Variants in MEIS2 observed in about 807,000 individuals in gnomAD.
The protein encoded by MEIS2 is Meis homeobox 2, also known as homeobox protein Meis2.
In MEIS2, 9 loss-of-function variants were observed where a neutral mutation model predicts 58.6. That is an observed-to-expected ratio of 0.15 (90% CI 0.09 to 0.27). MEIS2 has a LOEUF of 0.27. Ranked by LOEUF, MEIS2 falls within the 10% of genes least tolerant of loss-of-function variation. The probability of loss-of-function intolerance (pLI) is 1.00; values close to 1 mark genes in which losing one functional copy is unlikely to be tolerated. For synonymous variants in MEIS2, 221 were observed against 228.4 expected (o/e 0.97, Z 0.29); for missense variants, 427 against 635.0 (o/e 0.67, Z 3.52).
At chr15:37,098,483 A>G (rs1894669314) in intron 1 of MEIS2, 5 of 903,738 alleles carry the variant, frequency 5.5e-6, no homozygotes, top group Non-Finnish European at 5.8e-6. Context: ...AGTTGAGCAC[A>G]CAGAAACCAA....
At chr15:36,927,214 G>A (rs2057782786) in intron 9 of MEIS2, among the ~76,000 whole-genome samples, 1 of 152,148 alleles carries the variant, frequency 6.6e-6, no homozygotes, top group African/African-American at 2.4e-5. Flanking sequence ...CTGCTGAGAG[G>A]CTAGCCCCCC....
At chr15:37,098,575 A>C in intron 1 of MEIS2, 1 of 277,828 alleles carries the variant, frequency 3.6e-6, no homozygotes, top group Non-Finnish European at 5.6e-6. Context: ...ACCAAGAGCA[A>C]CGTTTAGAGA....
At chr15:37,033,072 A>G (rs1325722062) in intron 8 of MEIS2, among the ~76,000 whole-genome samples, 2 of 152,172 alleles carry the variant, frequency 1.3e-5, no homozygotes, top group Admixed American at 1.3e-4. Flanking sequence ...ACTGAGGGTG[A>G]ATGATTTTTG....
chr15:37,040,092 G>T (rs1386427584), intron 7 of MEIS2, among the ~76,000 whole-genome samples: 1 of 151,024 alleles, frequency 6.6e-6, no homozygotes, highest in East Asian at 1.9e-4. Flanking sequence ...GTGTGTGTGT[G>T]TGTGGTTGTG....
At chr15:36,931,823 C>G (rs1376189611) in intron 9 of MEIS2, among the ~76,000 whole-genome samples, 1 of 152,210 alleles carries the variant, frequency 6.6e-6, no homozygotes, top group Non-Finnish European at 1.5e-5. Flanking sequence ...TTCTTTTAAT[C>G]TAATACTACA....
chr15:36,891,532 A>G lies in MEIS2; in HGVS notation c.*641T>C, dbSNP rs2055855486. On this transcript the variant is annotated 3_prime_UTR_variant, in exon 12 of 12. Transcript: ENST00000561208. ...TTCATTGGCAAGCTCTTTGAAGAAG[A>G]GTCCCCCAAAAATAATAATAAGAAT... 6.5e-6 allele frequency: 1 copy of G among 152,792 alleles called. No homozygotes were observed. The highest frequency in any genetic ancestry group is 2.1e-4 in the South Asian group (1 of 4,836). The allele number at this position is 152,792 out of a possible 1,614,324, so 9.5% of individuals were successfully genotyped here.
intron 9 of MEIS2, chr15:36,898,302 T>C (rs2056290349): frequency 6.6e-6 from 1 of 152,254 alleles, no homozygotes; most frequent in African/African-American, 2.4e-5. Flanking sequence ...CCACCACTTT[T>C]ACAGCAACCA....
intron 8 of MEIS2, among the ~76,000 whole-genome samples, chr15:36,982,708 A>G (rs1313546993): frequency 6.6e-6 from 1 of 152,002 alleles, no homozygotes; most frequent in Non-Finnish European, 1.5e-5. Flanking sequence ...TCTATTTTTA[A>G]TTTTTCTGAG....
intron 8 of MEIS2, among the ~76,000 whole-genome samples, chr15:36,988,662 A>G (rs1053764538): frequency 1.3e-5 from 2 of 152,248 alleles, no homozygotes; most frequent in Admixed American, 1.3e-4. Flanking sequence ...AATTTACAAT[A>G]AATACCCATT....
chr15:36,929,371 T>C lies in MEIS2; in HGVS notation c.977+20953A>G, dbSNP rs75154524. On this transcript the variant is annotated intron_variant, in intron 9 of 11. Coordinates refer to ENST00000561208, the MANE Select transcript of MEIS2 (RefSeq NM_170675.5). ...TCTGCTCTGACCTGTGGGTATGGAG[T>C]ATAAACTTCCTTGTGCATGCAACTA... Among the ~76,000 whole-genome samples the C allele has an allele frequency of 5.6e-3, 853 of 152,242 alleles. 22 individuals carry two copies. In the East Asian group the frequency reaches 0.089, roughly 16 times the overall value.
rs369877794 is a variant in MEIS2 at position 36,913,393 on chromosome 15, A to C, written c.978-16707T>G. ...ACAAGCATAGATTTTGGCCTTTAGG[A>C]AACAGTTAACAGCCTCTACTTAAAC... On this transcript the variant is annotated intron_variant, in intron 9 of 11. Coordinates refer to ENST00000561208, the MANE Select transcript of MEIS2 (RefSeq NM_170675.5). Among the ~76,000 whole-genome samples the C allele has an allele frequency of 1.9e-4, 29 of 152,330 alleles. No individual in the cohort carries two copies. The East Asian group carries it at 4.8e-3, about 25-fold the overall frequency.
chr15:36,996,948 C>T (rs141938615), intron 8 of MEIS2, among the ~76,000 whole-genome samples: 366 of 152,324 alleles, frequency 2.4e-3, no homozygotes, highest in African/African-American at 8.4e-3. Flanking sequence ...AGTCCTCTAA[C>T]CTTTCCAAAA....
At chr15:37,067,960 C>T (rs1596061131) in intron 7 of MEIS2, among the ~76,000 whole-genome samples, 1 of 152,030 alleles carries the variant, frequency 6.6e-6, no homozygotes, top group South Asian at 2.1e-4. Flanking sequence ...CACTTAATTG[C>T]TATTATTATT....
chr15:37,063,867 C>G (rs77686560), intron 7 of MEIS2, among the ~76,000 whole-genome samples: 7,048 of 152,186 alleles, frequency 0.046, 539 homozygotes, highest in African/African-American at 0.16. Flanking sequence ...GAAAAATGAA[C>G]TAATATAAAG....
rs1321116803 is a variant in MEIS2 at position 36,890,705 on chromosome 15, G to A, written c.*1468C>T. On this transcript the variant is annotated 3_prime_UTR_variant, in exon 12 of 12. Coordinates refer to ENST00000561208, the MANE Select transcript of MEIS2 (RefSeq NM_170675.5). ...TTAACCCTGAAAAGTCCTTTATTCT[G>A]GCAGAGGATGCCCATGAAAAGCTTT... The A allele has an allele frequency of 1.3e-5, 2 of 152,100 alleles. No homozygotes were observed. The highest frequency in any genetic ancestry group is 4.8e-5 in the African/African-American group (2 of 41,426). The allele number at this position is 152,100 out of a possible 1,614,324, so 9.4% of individuals were successfully genotyped here.
intron 6 of MEIS2, among the ~76,000 whole-genome samples, chr15:37,087,067 G>T (rs531732129): frequency 6.6e-6 from 1 of 152,198 alleles, no homozygotes; most frequent in Non-Finnish European, 1.5e-5. Flanking sequence ...AAACCAAAGT[G>T]ACATACAAAA....
chr15:36,899,563 T>G (rs2056361705), intron 9 of MEIS2, among the ~76,000 whole-genome samples: 1 of 152,200 alleles, frequency 6.6e-6, no homozygotes, highest in Non-Finnish European at 1.5e-5. Context: ...CATCTTCTAA[T>G]CTATATTTTT....
At chr15:36,909,088 C>T (rs2141260198) in intron 9 of MEIS2, among the ~76,000 whole-genome samples, 1 of 152,246 alleles carries the variant, frequency 6.6e-6, no homozygotes, top group South Asian at 2.1e-4. Context: ...TGCTAACTAA[C>T]CAGGACAACA....
At chr15:36,958,043 A>C (rs1020557629) in intron 8 of MEIS2, among the ~76,000 whole-genome samples, 1 of 152,210 alleles carries the variant, frequency 6.6e-6, no homozygotes, top group African/African-American at 2.4e-5. Flanking sequence ...AGGAGGGGAA[A>C]GTGACCATTT....
Sources: gnomAD v4.1 joint callset for allele counts (sites outside exome capture counted in the v4.1 genomes callset) on GRCh38, gnomAD v4.1.1 for gene constraint, MANE v1.5 for transcripts, NCBI Gene and HGNC (gene_info 2026-07-23, HGNC 2026-07-21) for gene names.